The following GTF2IRD1 variants were observed in gnomAD, a reference collection of about 807,000 sequenced individuals.
GTF2IRD1 encodes the protein GTF2I repeat domain containing 1, also known as general transcription factor II-I repeat domain-containing protein 1.
GTF2IRD1 carries 26 observed loss-of-function variants against 113.2 expected under a neutral mutation model. The observed-to-expected ratio is 0.23, with a 90% CI of 0.17 to 0.32. The LOEUF (loss-of-function observed/expected upper bound fraction) is 0.32. GTF2IRD1 is among the 10% of genes least tolerant of loss of function. The pLI is 1.00. For missense variants in GTF2IRD1, 864 were observed against 1,280.8 expected, an observed-to-expected ratio of 0.67 and a Z score of 4.97; for synonymous variants, 484 against 529.1, an observed-to-expected ratio of 0.91 and a Z score of 1.17.
chr7:74,598,900 G>T (rs1280251265), intron 25 of GTF2IRD1, among the ~76,000 whole-genome samples: 4 of 152,106 alleles, frequency 2.6e-5, no homozygotes, highest in Non-Finnish European at 5.9e-5. Flanking sequence ...CTTTCGCAGG[G>T]TCTCTATGCC....
chr7:74,597,749 G>A (rs1554372806), intron 25 of GTF2IRD1, among the ~76,000 whole-genome samples: 3 of 152,234 alleles, frequency 2.0e-5, no homozygotes, highest in Non-Finnish European at 4.4e-5. Context: ...GCACAGAGAT[G>A]CCCAGGGACT....
intron 9 of GTF2IRD1, among the ~76,000 whole-genome samples, chr7:74,533,598 G>T (rs955520811): frequency 1.3e-5 from 2 of 152,140 alleles, no homozygotes; most frequent in African/African-American, 4.8e-5. Context: ...AGCACTGAAG[G>T]CCGTGCACCT....
intron 1 of GTF2IRD1, among the ~76,000 whole-genome samples, chr7:74,482,223 CTTTTTTTTTTTTT>C (rs5884948): frequency 9.3e-6 from 1 of 107,998 alleles, no homozygotes; most frequent in South Asian, 3.0e-4. Flanking sequence ...TCTCCTAAAA[CTTTTTTTTTTTTT>C]TTTTTTTTTT....
chr7:74,596,614 G>A (rs1802430323), intron 25 of GTF2IRD1, among the ~76,000 whole-genome samples: 1 of 152,026 alleles, frequency 6.6e-6, no homozygotes, highest in African/African-American at 2.4e-5. Flanking sequence ...CTGCACTCCA[G>A]GCTGGGTGAC....
chr7:74,479,844 C>T (rs1340617497), intron 1 of GTF2IRD1, among the ~76,000 whole-genome samples: 4 of 150,558 alleles, frequency 2.7e-5, no homozygotes, highest in African/African-American at 9.8e-5. Context: ...CGTCCCCATC[C>T]TGGGTTCAAA....
At chr7:74,590,686 C>G (rs1554369240) in intron 23 of GTF2IRD1, 139 bp from the exon 24 acceptor site, 1 of 520,194 alleles carries the variant, frequency 1.9e-6, no homozygotes, top group Non-Finnish European at 3.3e-6. Flanking sequence ...CCACTGCGCC[C>G]CACCAGGGTC....
At chr7:74,529,025 G>A (rs1389543803) in intron 8 of GTF2IRD1, among the ~76,000 whole-genome samples, 1 of 152,090 alleles carries the variant, frequency 6.6e-6, no homozygotes, top group African/African-American at 2.4e-5. Context: ...ACGGACTGAT[G>A]GATGGATGTT....
intron 9 of GTF2IRD1, among the ~76,000 whole-genome samples, chr7:74,532,644 T>A (rs187957355): frequency 5.7e-4 from 87 of 152,126 alleles, no homozygotes; most frequent in African/African-American, 2.0e-3. Context: ...GAAGCCAGTT[T>A]TCCCCCAAAA....
chr7:74,468,946 G>T (rs1010356973), intron 1 of GTF2IRD1, among the ~76,000 whole-genome samples: 10 of 151,764 alleles, frequency 6.6e-5, no homozygotes, highest in Non-Finnish European at 1.0e-4. Context: ...TTAGCCGGGC[G>T]TGATGGTGGG....
At chr7:74,460,320 A>G (rs1231217360) in intron 1 of GTF2IRD1, among the ~76,000 whole-genome samples, 1 of 151,930 alleles carries the variant, frequency 6.6e-6, no homozygotes, top group Non-Finnish European at 1.5e-5. Flanking sequence ...CCCAGGCTGG[A>G]GTGCAGTGGC....
chr7:74,581,195 T>A (rs1201222197), intron 22 of GTF2IRD1, among the ~76,000 whole-genome samples: 1 of 152,136 alleles, frequency 6.6e-6, no homozygotes, highest in Non-Finnish European at 1.5e-5. Flanking sequence ...AATTTTTTTT[T>A]ATTAGTAGTA....
intron 1 of GTF2IRD1, among the ~76,000 whole-genome samples, chr7:74,487,211 G>A (rs1795079382): frequency 6.6e-6 from 1 of 152,030 alleles, no homozygotes; most frequent in Admixed American, 6.6e-5. Context: ...GCTAATTTTT[G>A]TATTTTAATA....
At chr7:74,540,567 G>A (rs1798572731) in intron 14 of GTF2IRD1, among the ~76,000 whole-genome samples, 1 of 151,924 alleles carries the variant, frequency 6.6e-6, no homozygotes, top group Non-Finnish European at 1.5e-5. Context: ...CTGTGTAAGG[G>A]GCTGGAGACA....
chr7:74,480,949 G>T (rs1263828901), intron 1 of GTF2IRD1, among the ~76,000 whole-genome samples: 1 of 152,130 alleles, frequency 6.6e-6, no homozygotes, highest in African/African-American at 2.4e-5. Context: ...ATGGGGCTTC[G>T]CATGGCCAGG....
chr7:74,592,157 T>C (rs1331921321), intron 24 of GTF2IRD1, among the ~76,000 whole-genome samples: 1 of 152,144 alleles, frequency 6.6e-6, no homozygotes, highest in Non-Finnish European at 1.5e-5. Flanking sequence ...TGGAATGCAG[T>C]GGTGTGATCT....
chr7:74,526,853 A>G (rs1194338732), intron 8 of GTF2IRD1, among the ~76,000 whole-genome samples: 3 of 152,142 alleles, frequency 2.0e-5, no homozygotes, highest in Non-Finnish European at 2.9e-5. Context: ...CGAAGGTTTC[A>G]TTTGACAACG....
At chr7:74,583,570 C>G (rs1207981603) in intron 22 of GTF2IRD1, among the ~76,000 whole-genome samples, 1 of 151,810 alleles carries the variant, frequency 6.6e-6, no homozygotes, top group Non-Finnish European at 1.5e-5. Context: ...GACGCCTCCC[C>G]AAACTGCCAG....
chr7:74,525,569 T>C (rs1250710769), intron 8 of GTF2IRD1, among the ~76,000 whole-genome samples: 1 of 152,052 alleles, frequency 6.6e-6, no homozygotes, highest in African/African-American at 2.4e-5. Context: ...CTGGCCAACA[T>C]GGTGAAACCC....
At chr7:74,513,550 C>T (rs186764896) in intron 3 of GTF2IRD1, among the ~76,000 whole-genome samples, 3 of 152,288 alleles carry the variant, frequency 2.0e-5, no homozygotes, top group Non-Finnish European at 4.4e-5. Flanking sequence ...GGTGACCCGC[C>T]CACCTCAGCC....
Sources: allele counts gnomAD v4.1 joint callset (sites outside exome capture counted in the v4.1 genomes callset), GRCh38; gene constraint gnomAD v4.1.1; transcripts MANE v1.5; gene names NCBI Gene and HGNC (gene_info 2026-07-23, HGNC 2026-07-21).